The following PCDHA3 variants were observed in gnomAD, a reference collection of about 807,000 sequenced individuals.
PCDHA3 encodes the protein protocadherin alpha 3.
A neutral mutation model predicts 62.2 loss-of-function variants in PCDHA3; 41 were observed. The observed-to-expected ratio is 0.66, with a 90% confidence interval of 0.51 to 0.86. The LOEUF (loss-of-function observed/expected upper bound fraction) is 0.86, where lower values mean the gene tolerates loss of function less well. Among genes scored for constraint, PCDHA3 ranks in the 40% least tolerant of loss-of-function variants. PCDHA3 has a pLI of 0.00. For missense variants in PCDHA3, 1,304 were observed against 1,241.2 expected, an observed-to-expected ratio of 1.05 and a Z score of -0.76; for synonymous variants, 640 against 555.4, an observed-to-expected ratio of 1.15 and a Z score of -2.14.
chr5:140,998,005 C>G (rs539275150), intron 3 of PCDHA3, among the ~76,000 whole-genome samples: 1 of 152,164 alleles, frequency 6.6e-6, no homozygotes, highest in South Asian at 2.1e-4. Flanking sequence ...TCTGAGCCTT[C>G]CATCCCCACC....
At chr5:140,868,157 G>C (rs1380314181) in intron 1 of PCDHA3, 1 of 151,956 alleles carries the variant, frequency 6.6e-6, no homozygotes, top group Non-Finnish European at 1.5e-5. Flanking sequence ...GTTACATAAA[G>C]TGCTAAATTT....
At chr5:140,848,511 C>T in intron 1 of PCDHA3, 1 of 1,589,730 alleles carries the variant, frequency 6.3e-7, no homozygotes, top group Non-Finnish European at 8.6e-7. Context: ...ATACTCAAGT[C>T]GAGGAGATCC....
At chr5:140,967,435 C>T (rs949116832) in intron 1 of PCDHA3, 1 of 1,613,532 alleles carries the variant, frequency 6.2e-7, no homozygotes, top group Non-Finnish European at 8.5e-7. Flanking sequence ...CAGCCTTGCA[C>T]CACCTGGTTC....
intron 1 of PCDHA3, chr5:140,877,310 C>G (rs371801888): frequency 6.2e-7 from 1 of 1,613,938 alleles, no homozygotes; most frequent in Non-Finnish European, 8.5e-7. Flanking sequence ...GAGTTGCAAC[C>G]GGCGGCGGTC....
Position 141,010,456 on chromosome 5 carries a change from TATC to T in PCDHA3, c.*521_*523del. The T allele has an allele frequency of 1.1e-6, 1 of 877,088 alleles. No individual in the cohort carries two copies. The highest frequency in any genetic ancestry group is 3.0e-5 in the Admixed American group (1 of 33,582). The allele number at this position is 877,088 out of a possible 1,614,324, so 54.3% of individuals were successfully genotyped here. On this transcript the variant is annotated 3_prime_UTR_variant, in exon 4 of 4. Transcript: ENST00000522353. ...ACAAAGACAAATAAACAGCGGAAGT[TATC>T]AGTATGGAGGGGAAGTGTAAACTTA... is the stretch of plus-strand genomic sequence containing the variant.
In PCDHA3 at chr5:140,893,987, T is replaced by C. The variant is rs112405686; in HGVS notation, c.2395-84962T>C. Among the ~76,000 whole-genome samples, 507 of 152,320 alleles carry C rather than the reference T, an allele frequency of 3.3e-3. 2 individuals carry two copies. The highest frequency in any genetic ancestry group is 0.012 in the African/African-American group (487 of 41,562). ...TAGATACTTTTATAATTTTAAAATA[T>C]CTCCAATTGTATGGTTGGTTCAAAT... is the stretch of plus-strand genomic sequence containing the variant. On this transcript the variant is annotated intron_variant, in intron 1 of 3. Transcript: ENST00000522353.
At chr5:140,898,797 C>T (rs1210404780) in intron 1 of PCDHA3, among the ~76,000 whole-genome samples, 7 of 152,160 alleles carry the variant, frequency 4.6e-5, no homozygotes, top group East Asian at 1.9e-4. Context: ...GCCATTTTCA[C>T]GATACTGATT....
At chr5:140,869,004 T>C in intron 1 of PCDHA3, 1 of 1,521,534 alleles carries the variant, frequency 6.6e-7, no homozygotes, top group Non-Finnish European at 8.8e-7. Context: ...AAGGATCCTT[T>C]GAAACTTCTT....
chr5:140,915,606 C>A (rs2077190807), intron 1 of PCDHA3, among the ~76,000 whole-genome samples: 1 of 150,452 alleles, frequency 6.6e-6, no homozygotes, highest in African/African-American at 2.5e-5. Context: ...CCCTTACTTT[C>A]TGTCAAACAG....
intron 1 of PCDHA3, chr5:140,808,966 G>A (rs1554124925): frequency 1.2e-6 from 2 of 1,613,520 alleles, no homozygotes; most frequent in East Asian, 2.2e-5. Context: ...TGGTGGCAAA[G>A]GTGCGCGCGG....
intron 1 of PCDHA3, among the ~76,000 whole-genome samples, chr5:140,906,435 C>T (rs2072652869): frequency 6.6e-6 from 1 of 152,120 alleles, no homozygotes; most frequent in Non-Finnish European, 1.5e-5. Flanking sequence ...ACATGATAAA[C>T]AAGAAAGGAA....
At position 140,929,086 on chromosome 5, in the gene PCDHA3, G is replaced by A. The variant is rs899611580; in HGVS notation, c.2395-49863G>A. 2.5e-6 allele frequency: 4 copies of A among 1,614,158 alleles called. No individual in the cohort carries two copies. The South Asian group carries it at 4.4e-5, about 18-fold the overall frequency. On this transcript the variant is annotated intron_variant, in intron 1 of 3. Coordinates refer to ENST00000522353, the MANE Select transcript of PCDHA3 (RefSeq NM_018906.3). ...GGATCTGAGGTATGGAAGTAAGATG[G>A]TTTCAAATCCTTGCATGACATCAGC... is the stretch of plus-strand genomic sequence containing the variant.
intron 1 of PCDHA3, among the ~76,000 whole-genome samples, chr5:140,908,155 G>C (rs559304647): frequency 6.6e-6 from 1 of 152,194 alleles, no homozygotes; most frequent in Non-Finnish European, 1.5e-5. Context: ...TCCTAGGAAG[G>C]GGCTGTAGTG....
At chr5:140,805,390 C>A in intron 1 of PCDHA3, 2 of 1,090,790 alleles carry the variant, frequency 1.8e-6, no homozygotes, top group Non-Finnish European at 2.2e-6. Context: ...ACTCTGGTTT[C>A]TGTTTGATTC....
chr5:140,838,244 G>A (rs1372782254), intron 1 of PCDHA3, among the ~76,000 whole-genome samples: 4 of 149,760 alleles, frequency 2.7e-5, no homozygotes, highest in Non-Finnish European at 5.9e-5. Flanking sequence ...CTCCCAAGTA[G>A]CTGGGATTAA....
intron 3 of PCDHA3, among the ~76,000 whole-genome samples, chr5:141,001,642 G>A (rs1399710505): frequency 6.6e-6 from 1 of 152,110 alleles, no homozygotes; most frequent in African/African-American, 2.4e-5. Flanking sequence ...GGGGGTGAAG[G>A]TGTGGGAGAA....
At chr5:140,993,472 A>T (rs1164535164) in intron 3 of PCDHA3, among the ~76,000 whole-genome samples, 1 of 134,248 alleles carries the variant, frequency 7.4e-6, no homozygotes, top group Non-Finnish European at 1.5e-5. Flanking sequence ...TCACACACAC[A>T]CACACACACA....
rs2150428040 is a variant in PCDHA3, at chr5:140,848,992, C to T, written c.2394+45401C>T. On this transcript the variant is annotated intron_variant, in intron 1 of 3. Coordinates refer to ENST00000522353, the MANE Select transcript of PCDHA3 (RefSeq NM_018906.3). ...TCCGATGCAGATATCGGGGAGAACG[C>T]CCTGCTCACTTACAGACTGAGCCCC... is the stretch of plus-strand genomic sequence containing the variant. The T allele has an allele frequency of 2.5e-6, 4 of 1,597,000 alleles. No individual in the cohort carries two copies. In the African/African-American group the frequency reaches 4.1e-5, roughly 16 times the overall value.
chr5:140,995,237 T>G (rs1242320046), intron 3 of PCDHA3, among the ~76,000 whole-genome samples: 1 of 152,148 alleles, frequency 6.6e-6, no homozygotes, highest in African/African-American at 2.4e-5. Context: ...GGGCCAGTAT[T>G]AAGTAAAATA....
Sources: allele counts gnomAD v4.1 joint callset (sites outside exome capture counted in the v4.1 genomes callset), GRCh38; gene constraint gnomAD v4.1.1; transcripts MANE v1.5; gene names NCBI Gene and HGNC (gene_info 2026-07-23, HGNC 2026-07-21).